Variants in MGAT4C observed in about 807,000 individuals in gnomAD.
The protein encoded by MGAT4C is alpha-1,3-mannosyl-glycoprotein 4-beta-N-acetylglucosaminyltransferase C.
Under a neutral mutation model 40.1 loss-of-function variants are expected in MGAT4C, and 19 were observed. The observed-to-expected ratio is 0.47, with a 90% confidence interval of 0.33 to 0.70. The LOEUF (loss-of-function observed/expected upper bound fraction) is 0.70. Ranked by LOEUF, MGAT4C falls within the 30% of genes least tolerant of loss-of-function variation. The pLI is 0.02. For missense variants in MGAT4C, 491 were observed against 563.2 expected (o/e 0.87, Z 1.30); for synonymous variants, 181 against 187.1 (o/e 0.97, Z 0.27).
chr12:86,764,733 A>G (rs1217077516), intron 1 of MGAT4C, among the ~76,000 whole-genome samples: 2 of 152,076 alleles, frequency 1.3e-5, no homozygotes, highest in Non-Finnish European at 2.9e-5. Flanking sequence ...TGCAGCCACC[A>G]CTGCTGATAC....
At chr12:86,284,907 G>T (rs1213105406) in intron 4 of MGAT4C, among the ~76,000 whole-genome samples, 1 of 151,908 alleles carries the variant, frequency 6.6e-6, no homozygotes, top group African/African-American at 2.4e-5. Flanking sequence ...TATTTTTTCA[G>T]TAATTTTCAT....
chr12:86,566,023 G>T (rs117068592), intron 2 of MGAT4C, among the ~76,000 whole-genome samples: 1,573 of 152,278 alleles, frequency 0.01, 9 homozygotes, highest in Non-Finnish European at 0.014. Flanking sequence ...CTATCTTGGG[G>T]TGATCAGCCA....
intron 2 of MGAT4C, among the ~76,000 whole-genome samples, chr12:86,467,324 C>T (rs921601293): frequency 4.6e-5 from 7 of 151,918 alleles, no homozygotes; most frequent in African/African-American, 1.2e-4. Flanking sequence ...GATGGCAAAA[C>T]GACAACAAAT....
At chr12:86,151,364 G>A (rs1472909211) in intron 1 of MGAT4C, among the ~76,000 whole-genome samples, 1 of 152,074 alleles carries the variant, frequency 6.6e-6, no homozygotes, top group East Asian at 1.9e-4. Context: ...TGTAATCCCA[G>A]CACTTTGGTA....
At chr12:86,770,457 A>G (rs1049800163) in intron 1 of MGAT4C, among the ~76,000 whole-genome samples, 3 of 152,140 alleles carry the variant, frequency 2.0e-5, no homozygotes, top group Non-Finnish European at 4.4e-5. Context: ...GAAACATTAT[A>G]TAATGGTTTC....
chr12:86,043,702 C>T (rs553643530), intron 2 of MGAT4C, among the ~76,000 whole-genome samples: 1 of 152,356 alleles, frequency 6.6e-6, no homozygotes, highest in Non-Finnish European at 1.5e-5. Context: ...CCATCACATC[C>T]TCCAATATGG....
chr12:85,986,183 G>C (rs915563278), intron 3 of MGAT4C, among the ~76,000 whole-genome samples: 4 of 152,112 alleles, frequency 2.6e-5, no homozygotes, highest in Non-Finnish European at 4.4e-5. Flanking sequence ...CAGCCTTGTT[G>C]GCTGCTTTCC....
chr12:86,779,918 T>G (rs1951809226), intron 1 of MGAT4C, among the ~76,000 whole-genome samples: 1 of 151,216 alleles, frequency 6.6e-6, no homozygotes, highest in Non-Finnish European at 1.5e-5. Context: ...GTCTCAAAAA[T>G]AAAAATAAAA....
chr12:86,057,223 G>C (rs1295694977), intron 1 of MGAT4C, among the ~76,000 whole-genome samples: 1 of 151,844 alleles, frequency 6.6e-6, no homozygotes, highest in African/African-American at 2.4e-5. Flanking sequence ...TGTGGTTCAG[G>C]CTGGAGCACA....
intron 1 of MGAT4C, among the ~76,000 whole-genome samples, chr12:86,819,950 A>G (rs1003685001): frequency 6.6e-6 from 1 of 150,786 alleles, no homozygotes; most frequent in African/African-American, 2.4e-5. Flanking sequence ...GTAAACAAAC[A>G]AAAAACATTA....
At chr12:86,045,808 G>A (rs932882205) in intron 2 of MGAT4C, among the ~76,000 whole-genome samples, 1 of 152,190 alleles carries the variant, frequency 6.6e-6, no homozygotes, top group Non-Finnish European at 1.5e-5. Flanking sequence ...ACTTGACTAT[G>A]TGAGAGATTT....
In MGAT4C at chr12:85,955,753, A is replaced by T. The variant is rs926415318; in HGVS notation, c.*23536T>A. On this transcript the variant is annotated 3_prime_UTR_variant, in exon 5 of 5. Coordinates refer to ENST00000611864, the MANE Select transcript of MGAT4C (RefSeq NM_001351288.2). ...AATTTGTTGCTTCAAATGAATAATA[A>T]ATTGCAGACACAGGTATTAAAGCCA... 1 of 152,198 alleles carries T rather than the reference A, an allele frequency of 6.6e-6. No homozygotes were observed. 9.4% of individuals were successfully genotyped at this position (152,198 alleles called of 1,614,324 possible).
chr12:85,956,414 C>T lies in MGAT4C; in HGVS notation c.*22875G>A, dbSNP rs1882797364. 1 of 152,108 alleles carries T rather than the reference C, an allele frequency of 6.6e-6. No homozygotes were observed. Among genetic ancestry groups the T allele is most frequent in the Non-Finnish European group, 1.5e-5 (1 of 67,998 alleles). 9.4% of individuals were successfully genotyped at this position (152,108 alleles called of 1,614,324 possible). On this transcript the variant is annotated 3_prime_UTR_variant, in exon 5 of 5. Transcript: ENST00000611864. ...CTTCGGTGTTTTGTTTGTCCTTAGA[C>T]AATAGAGATAATATATTCATTATGT... is the stretch of plus-strand genomic sequence containing the variant.
At chr12:86,045,918 C>T (rs138446405) in intron 2 of MGAT4C, among the ~76,000 whole-genome samples, 95 of 152,136 alleles carry the variant, frequency 6.2e-4, no homozygotes, top group Middle Eastern at 6.8e-3. Flanking sequence ...ATCAATTTAT[C>T]GTGTATTTTA....
chr12:86,350,677 A>C (rs377128151), intron 3 of MGAT4C, among the ~76,000 whole-genome samples: 5 of 152,192 alleles, frequency 3.3e-5, no homozygotes, highest in African/African-American at 1.2e-4. Flanking sequence ...ATACACAAGC[A>C]ACACATTGTA....
intron 1 of MGAT4C, among the ~76,000 whole-genome samples, chr12:86,152,121 A>G (rs1884356964): frequency 6.6e-6 from 1 of 152,216 alleles, no homozygotes; most frequent in Admixed American, 6.5e-5. Flanking sequence ...CACTTGACAG[A>G]TGGGGCTCCT....
chr12:86,698,938 G>A (rs566520964), intron 2 of MGAT4C, among the ~76,000 whole-genome samples: 1 of 152,252 alleles, frequency 6.6e-6, no homozygotes, highest in Admixed American at 6.5e-5. Context: ...CAAGGAAAAA[G>A]AGGCAGTAAG....
intron 1 of MGAT4C, among the ~76,000 whole-genome samples, chr12:86,160,731 G>C (rs559939719): frequency 6.6e-6 from 1 of 152,124 alleles, no homozygotes; most frequent in East Asian, 1.9e-4. Flanking sequence ...CCAAGAAGAA[G>C]TTGTTTTATA....
At chr12:86,172,684 AAGGGTATAAATT>A (rs1435522646) in intron 1 of MGAT4C, among the ~76,000 whole-genome samples, 2 of 152,110 alleles carry the variant, frequency 1.3e-5, no homozygotes, top group African/African-American at 4.8e-5. Flanking sequence ...TAAGTTTGCT[AAGGGTATAAATT>A]AGAGTTTCAA....
Sources: allele counts gnomAD v4.1 joint callset (sites outside exome capture counted in the v4.1 genomes callset), GRCh38; gene constraint gnomAD v4.1.1; transcripts MANE v1.5; gene names NCBI Gene and HGNC (gene_info 2026-07-23, HGNC 2026-07-21).